Variants in KLHL7 observed in about 807,000 individuals in gnomAD.
KLHL7 encodes the protein kelch-like protein 7.
KLHL7 carries 44 observed loss-of-function variants against 67.4 expected under a neutral mutation model. The observed-to-expected ratio is 0.65, with a 90% CI of 0.51 to 0.84. The LOEUF is 0.84. KLHL7 is among the 40% of genes least tolerant of loss of function. The pLI is 0.00. For missense variants in KLHL7, 362 were observed against 718.1 expected (o/e 0.50, Z 5.67); for synonymous variants, 252 against 243.3 (o/e 1.04, Z -0.33).
At chr7:23,117,054 A>C (rs796947565) in intron 1 of KLHL7, among the ~76,000 whole-genome samples, 4 of 146,700 alleles carry the variant, frequency 2.7e-5, no homozygotes, top group African/African-American at 1.0e-4. Flanking sequence ...CATTAAGAGG[A>C]ATCATAAAAT....
At chr7:23,170,765 A>T (rs1267836313) in intron 9 of KLHL7, among the ~76,000 whole-genome samples, 2 of 152,206 alleles carry the variant, frequency 1.3e-5, no homozygotes, top group East Asian at 3.8e-4. Context: ...ATGTACATGT[A>T]TTATGTATCA....
At chr7:23,126,657 G>A (rs746880287) in intron 4 of KLHL7, among the ~76,000 whole-genome samples, 15 of 152,154 alleles carry the variant, frequency 9.9e-5, no homozygotes, top group Non-Finnish European at 2.1e-4. Context: ...CCTCCTTCCG[G>A]ACACTTTAGT....
intron 4 of KLHL7, among the ~76,000 whole-genome samples, chr7:23,133,768 G>C (rs1783881150): frequency 6.6e-6 from 1 of 152,132 alleles, no homozygotes; most frequent in Non-Finnish European, 1.5e-5. Context: ...CACTGTTGGT[G>C]TATAGTAATG....
chr7:23,125,776 T>G (rs1783545573), intron 4 of KLHL7: 2 of 1,501,356 alleles, frequency 1.3e-6, no homozygotes, highest in Non-Finnish European at 8.9e-7. Context: ...GCAGAAAAAG[T>G]TGATCAGAGC....
At chr7:23,106,678 C>T (rs184758153) in intron 1 of KLHL7, 175 of 1,008,118 alleles carry the variant, frequency 1.7e-4, no homozygotes, top group Admixed American at 4.7e-4. Context: ...AAGCAGCCAT[C>T]GATAAATACC....
At chr7:23,131,070 G>A (rs1253368879) in intron 4 of KLHL7, among the ~76,000 whole-genome samples, 2 of 152,198 alleles carry the variant, frequency 1.3e-5, no homozygotes, top group Admixed American at 1.3e-4. Flanking sequence ...TTCTGCTGGT[G>A]AGTGTCATCT....
intron 1 of KLHL7, among the ~76,000 whole-genome samples, chr7:23,109,112 C>T (rs1310153240): frequency 6.6e-6 from 1 of 152,156 alleles, no homozygotes; most frequent in African/African-American, 2.4e-5. Context: ...AAGATATCGT[C>T]GTGTAGTTTT....
chr7:23,131,734 T>A, intron 4 of KLHL7, among the ~76,000 whole-genome samples: 1 of 34,158 alleles, frequency 2.9e-5, no homozygotes, highest in South Asian at 5.9e-4. Context: ...TTATTTATTC[T>A]TTTTTTTTTT....
chr7:23,160,446 A>T (rs1165618294), intron 7 of KLHL7, among the ~76,000 whole-genome samples: 1 of 152,180 alleles, frequency 6.6e-6, no homozygotes, highest in East Asian at 1.9e-4. Context: ...GAGAGTGGAG[A>T]CAGGAAGAAC....
Position 23,175,451 on chromosome 7 carries a change from T to G in KLHL7, c.*1153T>G. On this transcript the variant is annotated 3_prime_UTR_variant, in exon 11 of 11. Coordinates refer to ENST00000339077, the MANE Select transcript of KLHL7 (RefSeq NM_001031710.3). Reference sequence around the variant, plus strand: ...CCACTCAGTTTGTTCTTCAAGTATTTTAGGTAATGGTTGTTTTTAGAATTT... The same window carrying G: ...CCACTCAGTTTGTTCTTCAAGTATTGTAGGTAATGGTTGTTTTTAGAATTT... The G allele has an allele frequency of 2.4e-6, 1 of 412,260 alleles. No individual in the cohort carries two copies. Among genetic ancestry groups the G allele is most frequent in the South Asian group, 1.8e-5 (1 of 55,018 alleles). 25.5% of individuals were successfully genotyped at this position (412,260 alleles called of 1,614,324 possible).
intron 1 of KLHL7, among the ~76,000 whole-genome samples, chr7:23,116,291 G>A (rs1783085299): frequency 6.6e-6 from 1 of 152,156 alleles, no homozygotes; most frequent in South Asian, 2.1e-4. Flanking sequence ...TAAGGCCCGT[G>A]GTCCCACAGG....
chr7:23,137,817 G>A (rs192753534), intron 4 of KLHL7, among the ~76,000 whole-genome samples: 1 of 134,258 alleles, frequency 7.4e-6, no homozygotes, highest in Non-Finnish European at 1.6e-5. Flanking sequence ...GGCTGGGCAC[G>A]GTGACTCCTA....
rs1385649036 is a variant in KLHL7, at chr7:23,177,093, G to A, written c.*2795G>A. On this transcript the variant is annotated 3_prime_UTR_variant, in exon 11 of 11. Coordinates refer to ENST00000339077, the MANE Select transcript of KLHL7 (RefSeq NM_001031710.3). Reference sequence around the variant, plus strand: ...AGGACACATTCTGAGCTTCTGGATAGACATGAATTTGGGGAGATGCTGTTC... The same window carrying A: ...AGGACACATTCTGAGCTTCTGGATAAACATGAATTTGGGGAGATGCTGTTC... 4.6e-5 allele frequency: 7 copies of A among 152,204 alleles called. No homozygotes were observed. In the East Asian group the frequency reaches 1.2e-3, roughly 25 times the overall value. 9.4% of individuals were successfully genotyped at this position (152,204 alleles called of 1,614,324 possible). A position where few individuals can be genotyped will look rare whatever the true frequency, so the allele number is the denominator to read the frequency against.
At position 23,174,122 on chromosome 7, in the gene KLHL7, A is replaced by G. The variant is rs2128470609; in HGVS notation, c.1585A>G (p.Ile529Val). Residue 529 changes from isoleucine (I) to valine (V), a missense_variant, in exon 11 of 11, where the codon ATA becomes GTA. By Grantham distance (29) the Ile-to-Val change is conservative. This residue lies in a region of KLHL7 where 136 missense variants were observed against 252.7 expected (regional missense o/e 0.54). Transcript: ENST00000339077. ...VTVKCAAVGSIVYVLAGFQGV... is the reference protein window; with the variant it reads ...VTVKCAAVGSVVYVLAGFQGV... ...AGTGAAATGTGCAGCAGTTGGCTCT[A>G]TAGTTTATGTCTTGGCTGGTTTTCA... is the stretch of plus-strand genomic sequence containing the variant. 4 of 1,614,178 alleles carry G rather than the reference A, an allele frequency of 2.5e-6. No individual in the cohort carries two copies. Among genetic ancestry groups the G allele is most frequent in the Non-Finnish European group, 3.4e-6 (4 of 1,180,010 alleles).
intron 7 of KLHL7, among the ~76,000 whole-genome samples, chr7:23,162,160 T>G (rs746640200): frequency 2.0e-5 from 3 of 152,156 alleles, no homozygotes; most frequent in Non-Finnish European, 4.4e-5. Flanking sequence ...TGAAAGACTT[T>G]TAGAGAAGCA....
intron 5 of KLHL7, among the ~76,000 whole-genome samples, chr7:23,142,884 C>T (rs1251302445): frequency 3.3e-5 from 5 of 151,948 alleles, no homozygotes; most frequent in Non-Finnish European, 5.9e-5. Flanking sequence ...TAGATAAAAA[C>T]TAAAGAAATC....
intron 8 of KLHL7, among the ~76,000 whole-genome samples, chr7:23,166,649 C>A (rs970885689): frequency 6.6e-6 from 1 of 152,152 alleles, no homozygotes; most frequent in African/African-American, 2.4e-5. Context: ...TGTTTTTACC[C>A]TCAACTATAT....
At chr7:23,135,368 G>C (rs1047337691) in intron 4 of KLHL7, among the ~76,000 whole-genome samples, 1 of 152,086 alleles carries the variant, frequency 6.6e-6, no homozygotes, top group Non-Finnish European at 1.5e-5. Context: ...CTATCCTTGA[G>C]AATGATCCAT....
chr7:23,121,501 T>C (rs1417772696), intron 1 of KLHL7, among the ~76,000 whole-genome samples: 10 of 151,244 alleles, frequency 6.6e-5, no homozygotes, highest in Non-Finnish European at 1.5e-4. Flanking sequence ...AGTTTCATCA[T>C]GTTGCCCCGG....
Sources: gnomAD v4.1 joint callset for allele counts (sites outside exome capture counted in the v4.1 genomes callset) on GRCh38, gnomAD v4.1.1 for gene constraint, gnomAD v4.1.1 regional missense constraint, MANE v1.5 for transcripts, NCBI Gene and HGNC (gene_info 2026-07-23, HGNC 2026-07-21) for gene names.